PCDHGA11: variants seen among roughly 807,000 people sequenced by gnomAD.
The protein encoded by PCDHGA11 is protocadherin gamma-A11.
PCDHGA11 carries 39 observed loss-of-function variants against 60.4 expected under a neutral mutation model. The observed-to-expected ratio is 0.65, with a 90% confidence interval of 0.50 to 0.84. PCDHGA11 has a LOEUF of 0.84. PCDHGA11 is among the 40% of genes least tolerant of loss of function. PCDHGA11 has a pLI of 0.00. For missense variants in PCDHGA11, 1,165 were observed against 1,197.7 expected (o/e 0.97, Z 0.40); for synonymous variants, 533 against 510.3 (o/e 1.04, Z -0.60).
intron 1 of PCDHGA11, among the ~76,000 whole-genome samples, chr5:141,469,096 G>A (rs1191827174): frequency 6.6e-6 from 1 of 151,944 alleles, no homozygotes; most frequent in Non-Finnish European, 1.5e-5. Flanking sequence ...AGGCAACAAA[G>A]CAAGAACCTG....
At position 141,477,068 on chromosome 5, in the gene PCDHGA11, C is replaced by A; in HGVS notation, c.2434-17739C>A. 6.2e-7 allele frequency: 1 copy of A among 1,614,268 alleles called. No homozygotes were observed. The highest frequency in any genetic ancestry group is 8.5e-7 in the Non-Finnish European group (1 of 1,180,046). On this transcript the variant is annotated intron_variant, in intron 1 of 3. Transcript: ENST00000398587. This position sits in a 1 kb window ranked among gnomAD's most constrained non-coding sequence, Gnocchi z 4.9. ...GCTGGACTTCGAGGACACCAAACTCCATGAGATTTACATCCAGGCCAAAGA... is the reference window on the plus strand; with the variant it reads ...GCTGGACTTCGAGGACACCAAACTCAATGAGATTTACATCCAGGCCAAAGA...
chr5:141,455,928 C>T (rs1160778812), intron 1 of PCDHGA11, among the ~76,000 whole-genome samples: 3 of 151,158 alleles, frequency 2.0e-5, no homozygotes, highest in African/African-American at 4.9e-5. Context: ...GACGGAGTCT[C>T]GCTCTGTCGC....
In PCDHGA11 at chr5:141,476,737, G is replaced by A. The variant is rs1420138912; in HGVS notation, c.2434-18070G>A. ...AGCGCGCCCTGGACCGAGAACGGGA[G>A]CCTAGTCTCCAGTTAGTGCTGACGG... is the stretch of plus-strand genomic sequence containing the variant. On this transcript the variant is annotated intron_variant, in intron 1 of 3. Coordinates refer to ENST00000398587, the MANE Select transcript of PCDHGA11 (RefSeq NM_018914.3). This position sits in a 1 kb window ranked among gnomAD's most constrained non-coding sequence, Gnocchi z 7.6. The A allele has an allele frequency of 3.1e-6, 5 of 1,613,982 alleles. No individual in the cohort carries two copies. Among genetic ancestry groups the A allele is most frequent in the Non-Finnish European group, 4.2e-6 (5 of 1,180,038 alleles).
chr5:141,455,377 CAGAA>C (rs2098820699), intron 1 of PCDHGA11, among the ~76,000 whole-genome samples: 1 of 151,970 alleles, frequency 6.6e-6, no homozygotes, highest in Admixed American at 6.6e-5. Flanking sequence ...AGGGAGAAGA[CAGAA>C]GGAAGGAGCT....
Position 141,423,295 on chromosome 5 carries a change from C to A in PCDHGA11, c.2068C>A (p.Leu690Ile). 1 of 1,614,146 alleles carries A rather than the reference C, an allele frequency of 6.2e-7. No homozygotes were observed. Among genetic ancestry groups the A allele is most frequent in the Non-Finnish European group, 8.5e-7 (1 of 1,180,026 alleles). The change falls in exon 1 of 4, where the codon CTC becomes ATC. Residue 690 changes from leucine to isoleucine, a missense_variant. Leu to Ile is a conservative substitution (Grantham distance 5). Coordinates refer to ENST00000398587, the MANE Select transcript of PCDHGA11 (RefSeq NM_018914.3). ...ESLANSETSD[L>I]SLYLVVAVAA... ...TCTGGCTAACTCTGAAACCTCAGAC[C>A]TCTCGCTGTACTTGGTGGTGGCGGT...
At chr5:141,496,121 C>G (rs1391009290) in intron 2 of PCDHGA11, among the ~76,000 whole-genome samples, 1 of 152,088 alleles carries the variant, frequency 6.6e-6, no homozygotes, top group Non-Finnish European at 1.5e-5. Context: ...TCCTTCCCTG[C>G]CCCTCACACA....
intron 2 of PCDHGA11, 142 bp downstream of exon 2, chr5:141,495,007 G>C (rs2099758216): frequency 2.0e-6 from 3 of 1,522,276 alleles, no homozygotes; most frequent in Non-Finnish European, 8.8e-7. Flanking sequence ...TTGGTGTGCG[G>C]GGGGCTGGCA....
Position 141,472,217 on chromosome 5 carries a change from C to T in PCDHGA11, c.2434-22590C>T, listed in dbSNP as rs181908144. On this transcript the variant is annotated intron_variant, in intron 1 of 3. Transcript: ENST00000398587. ...CTTTTTGACACTAAGACCTTACTCTCGATCATATAATACATTCACTTTCTA... is the reference window on the plus strand; with the variant it reads ...CTTTTTGACACTAAGACCTTACTCTTGATCATATAATACATTCACTTTCTA... Among the ~76,000 whole-genome samples the T allele has an allele frequency of 3.1e-4, 47 of 152,234 alleles. 1 individual carries two copies. The highest frequency in any genetic ancestry group is 1.1e-3 in the African/African-American group (44 of 41,538).
chr5:141,491,641 C>T lies in PCDHGA11; in HGVS notation c.2434-3166C>T. Reference sequence around the variant, plus strand: ...CCTCAGCGTTCAGCAGCCCACAGCTCTGGCGCTGGAGCCTGACGCCATCCG... The same window carrying T: ...CCTCAGCGTTCAGCAGCCCACAGCTTTGGCGCTGGAGCCTGACGCCATCCG... On this transcript the variant is annotated intron_variant, in intron 1 of 3. Coordinates refer to ENST00000398587, the MANE Select transcript of PCDHGA11 (RefSeq NM_018914.3). The surrounding 1 kb of genome is among the most constrained non-coding windows in gnomAD (Gnocchi z 6.9). The T allele has an allele frequency of 6.2e-7, 1 of 1,613,896 alleles. No homozygotes were observed. Among genetic ancestry groups the T allele is most frequent in the Non-Finnish European group, 8.5e-7 (1 of 1,180,018 alleles).
chr5:141,428,098 A>C (rs1387848300), intron 1 of PCDHGA11: 1 of 1,608,664 alleles, frequency 6.2e-7, no homozygotes, highest in South Asian at 1.1e-5. Context: ...CTGTCCTACC[A>C]CGTGCTGCAG....
chr5:141,489,040 C>G lies in PCDHGA11; in HGVS notation c.2434-5767C>G. On this transcript the variant is annotated intron_variant, in intron 1 of 3. Coordinates refer to ENST00000398587, the MANE Select transcript of PCDHGA11 (RefSeq NM_018914.3). This position sits in a 1 kb window ranked among gnomAD's most constrained non-coding sequence, Gnocchi z 4.5. ...CCTCTCCTCCTCCAGCTCCCCAGCT[C>G]CACTCAAATTCAGCTCCCCTCCCCC... 1 of 479,752 alleles carries G rather than the reference C, an allele frequency of 2.1e-6. No homozygotes were observed. The highest frequency in any genetic ancestry group is 3.6e-6 in the Non-Finnish European group (1 of 274,204). 29.7% of individuals were successfully genotyped at this position (479,752 alleles called of 1,614,324 possible). A position where few individuals can be genotyped will look rare whatever the true frequency, so the allele number is the denominator to read the frequency against.
At position 141,431,294 on chromosome 5, in the gene PCDHGA11, T is replaced by C; in HGVS notation, c.2433+7634T>C. 1.9e-6 allele frequency: 3 copies of C among 1,614,096 alleles called. No individual in the cohort carries two copies. Among genetic ancestry groups the C allele is most frequent in the Non-Finnish European group, 2.5e-6 (3 of 1,180,026 alleles). ...CGAGCTCAGCCCGAACACTCACTTC[T>C]CCCTCATCGTGCAAAATGGAGCCGA... On this transcript the variant is annotated intron_variant, in intron 1 of 3. Transcript: ENST00000398587. The surrounding 1 kb of genome is among the most constrained non-coding windows in gnomAD (Gnocchi z 4.8).
chr5:141,453,620 A>G (rs2098770145), intron 1 of PCDHGA11, among the ~76,000 whole-genome samples: 1 of 152,196 alleles, frequency 6.6e-6, no homozygotes. Context: ...CAAAAACAAA[A>G]CCTATACATA....
rs1396618267 is a variant in PCDHGA11, at chr5:141,421,234, A to T, written c.7A>T (p.Asn3Tyr). Residue 3 changes from asparagine to tyrosine, a missense_variant, in exon 1 of 4, where the codon AAT becomes TAT. Coordinates refer to ENST00000398587, the MANE Select transcript of PCDHGA11 (RefSeq NM_018914.3). MA[N>Y]RLQRGDRSRL... is the part of the protein sequence containing the mutation. ...TATCGGCTTAGAGCCTGCCATGGCG[A>T]ATCGGCTACAGCGCGGGGACCGCAG... 7 of 1,593,656 alleles carry T rather than the reference A, an allele frequency of 4.4e-6. No homozygotes were observed. In the African/African-American group the frequency reaches 9.4e-5, roughly 21 times the overall value.
chr5:141,481,182 G>T (rs2099533183), intron 1 of PCDHGA11, among the ~76,000 whole-genome samples: 1 of 152,180 alleles, frequency 6.6e-6, no homozygotes, highest in Non-Finnish European at 1.5e-5. Flanking sequence ...AGCTTTATTG[G>T]GCCAGGCCCA....
rs1300601208 is a variant in PCDHGA11 at position 141,499,206 on chromosome 5, AC to A, written c.2492+4344del. On this transcript the variant is annotated intron_variant, in intron 2 of 3. Transcript: ENST00000398587. ...ACCATTTCCCCCTTCTTAGGCTGTA[AC>A]CCAGGCCCTGCCCTGCAGCTGTCCC... Among the ~76,000 whole-genome samples the A allele has an allele frequency of 3.3e-5, 5 of 152,062 alleles. No homozygotes were observed. In the East Asian group the frequency reaches 7.7e-4, roughly 24 times the overall value.
In PCDHGA11 at chr5:141,512,385, A is replaced by G. The variant is rs78180647; in HGVS notation, c.*1212A>G. 6,750 of 152,704 alleles carry G rather than the reference A, an allele frequency of 0.044. 413 individuals carry two copies. Among genetic ancestry groups the G allele is most frequent in the Admixed American group, 0.18 (2,745 of 15,296 alleles). The allele number at this position is 152,704 out of a possible 1,614,324, so 9.5% of individuals were successfully genotyped here. ...TAGGGCAGGGACCAAATGAACAGAAAGTCTCAGCCCAGGATGGGGCTTCTT... is the reference window on the plus strand; with the variant it reads ...TAGGGCAGGGACCAAATGAACAGAAGGTCTCAGCCCAGGATGGGGCTTCTT... On this transcript the variant is annotated 3_prime_UTR_variant, in exon 4 of 4. Coordinates refer to ENST00000398587, the MANE Select transcript of PCDHGA11 (RefSeq NM_018914.3).
intron 2 of PCDHGA11, among the ~76,000 whole-genome samples, chr5:141,503,595 G>T (rs6892628): frequency 0.52 from 72,995 of 139,870 alleles, 19,322 homozygotes; most frequent in African/African-American, 0.64. Flanking sequence ...CGAGACTCCA[G>T]CTCAAAAAAA....
At chr5:141,425,918 CG>C (rs2096903264) in intron 1 of PCDHGA11, among the ~76,000 whole-genome samples, 1 of 152,200 alleles carries the variant, frequency 6.6e-6, no homozygotes, top group Admixed American at 6.5e-5. Context: ...ACAGTCACTA[CG>C]AAAACTCATA....
Sources: allele counts gnomAD v4.1 joint callset (sites outside exome capture counted in the v4.1 genomes callset), GRCh38; gene constraint gnomAD v4.1.1; non-coding constraint Gnocchi (gnomAD v3.1); transcripts MANE v1.5; gene names NCBI Gene and HGNC (gene_info 2026-07-23, HGNC 2026-07-21).